RPE: variants seen among roughly 807,000 people sequenced by gnomAD.
RPE encodes ribulose-phosphate 3-epimerase.
Under a neutral mutation model 24.6 loss-of-function variants are expected in RPE, and 16 were observed. That is an observed-to-expected ratio of 0.65 (90% CI 0.44 to 0.99). The LOEUF (loss-of-function observed/expected upper bound fraction) is 0.99, where lower values mean the gene tolerates loss of function less well. Among genes scored for constraint, RPE ranks in the 50% least tolerant of loss-of-function variants. The probability of loss-of-function intolerance (pLI) is 0.00; values close to 1 mark genes in which losing one functional copy is unlikely to be tolerated. For synonymous variants in RPE, 93 were observed against 98.4 expected (o/e 0.94, Z 0.33); for missense variants, 240 against 294.5 (o/e 0.81, Z 1.35).
chr2:210,017,794 G>T (rs2093798095), intron 5 of RPE: 1 of 606,884 alleles, frequency 1.6e-6, no homozygotes, highest in African/African-American at 2.0e-5. Flanking sequence ...GCCCAGATTG[G>T]AGTGCAGTGG....
intron 2 of RPE, among the ~76,000 whole-genome samples, chr2:210,013,108 C>T (rs2093722485): frequency 6.6e-6 from 1 of 152,132 alleles, no homozygotes; most frequent in Non-Finnish European, 1.5e-5. Flanking sequence ...ATATTAAATG[C>T]AGTTAGAGAT....
intron 2 of RPE, among the ~76,000 whole-genome samples, chr2:210,010,585 C>T (rs1478503307): frequency 6.6e-6 from 1 of 152,090 alleles, no homozygotes; most frequent in Non-Finnish European, 1.5e-5. Flanking sequence ...TTTAACGTAG[C>T]TTACAATTTA....
intron 5 of RPE, chr2:210,018,450 C>T (rs1382134233): frequency 1.0e-6 from 1 of 984,462 alleles, no homozygotes; most frequent in Non-Finnish European, 1.2e-6. Context: ...CTGAGGATGC[C>T]AGCCCTTCTG....
At position 210,011,809 on chromosome 2, in the gene RPE, G is replaced by A. The variant is rs578244888; in HGVS notation, c.202+2073G>A. On this transcript the variant is annotated intron_variant, in intron 2 of 5. Transcript: ENST00000359429. ...GCCACAGCTATAGCTAAGACTACAG[G>A]TGTGTGCCACCACAACCGGCTATTT... 8.0e-5 allele frequency among the ~76,000 whole-genome samples: 12 copies of A among 150,350 alleles called. No individual in the cohort carries two copies. The South Asian group carries it at 2.5e-3, about 32-fold the overall frequency.
rs1488418204 is a variant in RPE at position 210,020,081 on chromosome 2, A to G, written c.*290A>G. Reference sequence around the variant, plus strand: ...GGCTGCATTAGGGTTACAAACAGAAAAGTGTCTTAATGTCTAAGGAGGGCA... The same window carrying G: ...GGCTGCATTAGGGTTACAAACAGAAGAGTGTCTTAATGTCTAAGGAGGGCA... On this transcript the variant is annotated 3_prime_UTR_variant, in exon 6 of 6. Coordinates refer to ENST00000359429, the MANE Select transcript of RPE (RefSeq NM_199229.3). The G allele has an allele frequency of 4.5e-6, 1 of 219,956 alleles. No individual in the cohort carries two copies. The highest frequency in any genetic ancestry group is 5.8e-5 in the Admixed American group (1 of 17,154). The allele number at this position is 219,956 out of a possible 1,614,324, so 13.6% of individuals were successfully genotyped here.
At chr2:210,017,717 G>C in intron 5 of RPE, 158 bp downstream of exon 5, 2 of 591,060 alleles carry the variant, frequency 3.4e-6, no homozygotes, top group East Asian at 3.3e-5. Flanking sequence ...AAAATAAACA[G>C]CCATAAGTGG....
Position 210,015,975 on chromosome 2 carries a change from A to G in RPE, c.205A>G (p.Met69Val), listed in dbSNP as rs2093765561. The G allele has an allele frequency of 6.2e-7, 1 of 1,613,586 alleles. No homozygotes were observed. The highest frequency in any genetic ancestry group is 8.5e-7 in the Non-Finnish European group (1 of 1,179,888). Reference sequence around the variant, plus strand: ...TTTGAAGTGTCTTTTCTTTCTAGACATGCACATGATGGTGTCCAAGCCAGA... The same window carrying G: ...TTTGAAGTGTCTTTTCTTTCTAGACGTGCACATGATGGTGTCCAAGCCAGA... Reference protein sequence around the residue: ...KQLGQDPFFDMHMMVSKPEQW... With the variant: ...KQLGQDPFFDVHMMVSKPEQW... Residue 69 changes from methionine (M) to valine (V), a missense_variant and splice_region_variant, in exon 3 of 6, where the codon ATG becomes GTG. Physicochemically the swap from Met to Val is conservative, Grantham distance 21. Coordinates refer to ENST00000359429, the MANE Select transcript of RPE (RefSeq NM_199229.3).
intron 2 of RPE, among the ~76,000 whole-genome samples, chr2:210,011,708 A>G (rs957130041): frequency 5.9e-5 from 9 of 151,920 alleles, no homozygotes; most frequent in Admixed American, 1.3e-4. Flanking sequence ...GACTCCGTCT[A>G]TTACCCAGGC....
At chr2:210,015,891 G>T (rs948059094) in intron 2 of RPE, 82 bp from the exon 3 acceptor site, 6 of 1,481,534 alleles carry the variant, frequency 4.0e-6, no homozygotes, top group Non-Finnish European at 4.6e-6. Flanking sequence ...ATCAGAAGTG[G>T]CAAAAACTAC....
intron 2 of RPE, among the ~76,000 whole-genome samples, chr2:210,014,255 ATT>A (rs1214956358): frequency 6.6e-6 from 1 of 151,594 alleles, no homozygotes; most frequent in South Asian, 2.1e-4. Flanking sequence ...CGCCCAGCTA[ATT>A]TTTTTGTATT....
At chr2:210,019,140 A>G (rs561300673) in intron 5 of RPE, among the ~76,000 whole-genome samples, 2 of 152,320 alleles carry the variant, frequency 1.3e-5, no homozygotes, top group African/African-American at 4.8e-5. Flanking sequence ...AGCCACTTCA[A>G]AACCATTCTG....
At position 210,020,154 on chromosome 2, in the gene RPE, ATTT is replaced by A. The variant is rs2093838654; in HGVS notation, c.*365_*367del. The A allele has an allele frequency of 5.8e-6, 1 of 171,588 alleles. No homozygotes were observed. The highest frequency in any genetic ancestry group is 6.4e-5 in the Admixed American group (1 of 15,518). The allele number at this position is 171,588 out of a possible 1,614,324, so 10.6% of individuals were successfully genotyped here. A position where few individuals can be genotyped will look rare whatever the true frequency, so the allele number is the denominator to read the frequency against. On this transcript the variant is annotated 3_prime_UTR_variant, in exon 6 of 6. Coordinates refer to ENST00000359429, the MANE Select transcript of RPE (RefSeq NM_199229.3). ...AATTTTGTCTGTACTTCTGAAAAGA[ATTT>A]TGTTGTTTCTCAGCTGTTTTCCAAA...
At chr2:210,016,293 C>A in intron 3 of RPE, 181 bp downstream of exon 3, 1 of 1,607,942 alleles carries the variant, frequency 6.2e-7, no homozygotes. Context: ...TGTTCTTCAG[C>A]TATGATGCCA....
At chr2:210,016,371 T>A in intron 3 of RPE, 136 bp from the exon 4 acceptor site, 1 of 1,561,632 alleles carries the variant, frequency 6.4e-7, no homozygotes, top group Non-Finnish European at 8.6e-7. Context: ...TACTGCTTGT[T>A]GAAAATACTT....
rs2093832900 is a variant in RPE at position 210,019,712 on chromosome 2, G to A, written c.608G>A (p.Ser203Asn). Residue 203 changes from serine (S) to asparagine (N), a missense_variant, in exon 6 of 6, where the codon AGT (serine) becomes AAT (asparagine). Coordinates refer to ENST00000359429, the MANE Select transcript of RPE (RefSeq NM_199229.3). ...MIVSGSAIMR[S>N]EDPRSVINLL... ...GTGTCTGGCAGTGCTATTATGAGGA[G>A]TGAAGACCCCAGATCTGTGATCAAT... is the stretch of plus-strand genomic sequence containing the variant. The A allele has an allele frequency of 6.2e-7, 1 of 1,613,404 alleles. No homozygotes were observed. The highest frequency in any genetic ancestry group is 8.5e-7 in the Non-Finnish European group (1 of 1,179,562).
chr2:210,014,612 G>A (rs1267144037), intron 2 of RPE, among the ~76,000 whole-genome samples: 1 of 147,248 alleles, frequency 6.8e-6, no homozygotes, highest in Non-Finnish European at 1.5e-5. Context: ...GGGAAACAGT[G>A]AGAACTCATC....
At chr2:210,008,165 T>G (rs889145970) in intron 1 of RPE, among the ~76,000 whole-genome samples, 24 of 152,342 alleles carry the variant, frequency 1.6e-4, no homozygotes, top group African/African-American at 5.5e-4. Flanking sequence ...GGGTTGTGAA[T>G]TCTGGTGAGT....
At chr2:210,012,303 C>G (rs1208085004) in intron 2 of RPE, among the ~76,000 whole-genome samples, 2 of 152,252 alleles carry the variant, frequency 1.3e-5, no homozygotes, top group East Asian at 3.9e-4. Context: ...AAATTATTTG[C>G]CATTATTTCT....
intron 2 of RPE, 30 bp downstream of exon 2, chr2:210,009,766 G>A: frequency 6.2e-7 from 1 of 1,613,882 alleles, no homozygotes; most frequent in Middle Eastern, 1.7e-4. Context: ...TCTGAAGCTG[G>A]ATGTGTTGCT....
Sources: allele counts gnomAD v4.1 joint callset (sites outside exome capture counted in the v4.1 genomes callset), GRCh38; gene constraint gnomAD v4.1.1; transcripts MANE v1.5; gene names NCBI Gene and HGNC (gene_info 2026-07-23, HGNC 2026-07-21).